ROR1: variants seen among roughly 807,000 people sequenced by gnomAD.
ROR1 encodes inactive tyrosine-protein kinase transmembrane receptor ROR1.
Under a neutral mutation model 78.8 loss-of-function variants are expected in ROR1, and 19 were observed. That is an observed-to-expected ratio of 0.24 (90% confidence interval 0.17 to 0.35). The LOEUF (loss-of-function observed/expected upper bound fraction) is 0.35. Among genes scored for constraint, ROR1 ranks in the 10% least tolerant of loss-of-function variants. The pLI, the probability that ROR1 is intolerant of heterozygous loss-of-function variation, is 1.00. For synonymous variants in ROR1, 386 were observed against 433.6 expected, an observed-to-expected ratio of 0.89 and a Z score of 1.36; for missense variants, 917 against 1,177.8, an observed-to-expected ratio of 0.78 and a Z score of 3.24.
chr1:63,810,628 A>T (rs1644855212), intron 1 of ROR1, among the ~76,000 whole-genome samples: 1 of 152,214 alleles, frequency 6.6e-6, no homozygotes, highest in African/African-American at 2.4e-5. Context: ...TTTGAGCTGG[A>T]TACTGAAGGA....
At chr1:64,113,790 T>TC (rs1648208566) in intron 4 of ROR1, 1 of 140,502 alleles carries the variant, frequency 7.1e-6, no homozygotes, top group Admixed American at 7.1e-5. Context: ...CAGTGTTTCG[T>TC]CCTAAAAAAA....
At chr1:64,014,987 A>G (rs1302727869) in intron 2 of ROR1, among the ~76,000 whole-genome samples, 1 of 151,418 alleles carries the variant, frequency 6.6e-6, no homozygotes, top group African/African-American at 2.4e-5. Flanking sequence ...GAGACTGGGA[A>G]GAAAAAGAGG....
At chr1:63,862,699 C>A (rs1341429524) in intron 1 of ROR1, among the ~76,000 whole-genome samples, 1 of 151,970 alleles carries the variant, frequency 6.6e-6, no homozygotes, top group East Asian at 1.9e-4. Context: ...CTTTTTCTTT[C>A]TTGGTGTGAA....
chr1:64,118,209 A>G (rs1446043702), intron 4 of ROR1, among the ~76,000 whole-genome samples: 1 of 152,216 alleles, frequency 6.6e-6, no homozygotes, highest in African/African-American at 2.4e-5. Flanking sequence ...TCTCAAAATA[A>G]TAATAATAAT....
chr1:64,132,612 T>C (rs1648952910), intron 4 of ROR1, among the ~76,000 whole-genome samples: 1 of 151,652 alleles, frequency 6.6e-6, no homozygotes, highest in Non-Finnish European at 1.5e-5. Context: ...ATACAAAAAT[T>C]AGCCAGGCAT....
intron 7 of ROR1, among the ~76,000 whole-genome samples, chr1:64,152,841 C>G (rs938136935): frequency 1.3e-5 from 2 of 152,012 alleles, no homozygotes; most frequent in African/African-American, 4.8e-5. Context: ...CAAGCATAGC[C>G]CTTTACAATT....
intron 1 of ROR1, among the ~76,000 whole-genome samples, chr1:63,954,346 G>A (rs1279490319): frequency 6.6e-6 from 1 of 152,218 alleles, no homozygotes. Flanking sequence ...ACATTCTGCA[G>A]GCCAGACTTG....
intron 1 of ROR1, among the ~76,000 whole-genome samples, chr1:63,904,666 A>G (rs1645514593): frequency 6.6e-6 from 1 of 152,184 alleles, no homozygotes; most frequent in South Asian, 2.1e-4. Context: ...AGTTAAAATG[A>G]AGTCATTAGG....
intron 2 of ROR1, among the ~76,000 whole-genome samples, chr1:64,010,122 A>G (rs1361534883): frequency 2.0e-5 from 3 of 152,082 alleles, no homozygotes; most frequent in African/African-American, 7.2e-5. Context: ...CTTCTTTGCC[A>G]ATACTCATTC....
chr1:63,790,388 A>C (rs1401845520), intron 1 of ROR1, among the ~76,000 whole-genome samples: 1 of 152,212 alleles, frequency 6.6e-6, no homozygotes, highest in Non-Finnish European at 1.5e-5. Flanking sequence ...TATCTCTTCC[A>C]ACAGTTGAGG....
At chr1:63,935,678 T>C (rs1370965848) in intron 1 of ROR1, among the ~76,000 whole-genome samples, 1 of 152,186 alleles carries the variant, frequency 6.6e-6, no homozygotes, top group Non-Finnish European at 1.5e-5. Context: ...TCAGAAAAAG[T>C]CCTGCTACCC....
At chr1:63,843,847 T>C (rs781232542) in intron 1 of ROR1, among the ~76,000 whole-genome samples, 12 of 152,160 alleles carry the variant, frequency 7.9e-5, no homozygotes, top group Non-Finnish European at 1.6e-4. Context: ...CTGATTTCCC[T>C]AACTCTGGGT....
At chr1:64,022,177 A>C (rs1169763884) in intron 2 of ROR1, among the ~76,000 whole-genome samples, 7 of 152,238 alleles carry the variant, frequency 4.6e-5, no homozygotes, top group African/African-American at 1.7e-4. Context: ...TTCATGTGAA[A>C]TATTCAGAAG....
At chr1:64,159,306 G>A in intron 8 of ROR1, 114 bp downstream of exon 8, 2 of 814,790 alleles carry the variant, frequency 2.5e-6, no homozygotes. Context: ...TTTTATAAGT[G>A]CTAAGGTTCA....
chr1:63,828,268 G>A (rs1411434111), intron 1 of ROR1, among the ~76,000 whole-genome samples: 3 of 152,176 alleles, frequency 2.0e-5, no homozygotes, highest in African/African-American at 7.2e-5. Flanking sequence ...GCAAATTTAG[G>A]TCAGAGCTGG....
intron 1 of ROR1, among the ~76,000 whole-genome samples, chr1:63,916,602 C>A (rs1397924316): frequency 6.6e-6 from 1 of 152,186 alleles, no homozygotes; most frequent in Admixed American, 6.5e-5. Flanking sequence ...TGCCTTTGCC[C>A]AGGCATAGAC....
At chr1:63,787,246 G>A (rs942555812) in intron 1 of ROR1, among the ~76,000 whole-genome samples, 15 of 152,074 alleles carry the variant, frequency 9.9e-5, no homozygotes, top group East Asian at 1.9e-4. Context: ...TTCTTTTGTC[G>A]TCTCACCTTC....
chr1:63,926,491 G>A (rs1195178552), intron 1 of ROR1, among the ~76,000 whole-genome samples: 3 of 151,804 alleles, frequency 2.0e-5, no homozygotes, highest in Non-Finnish European at 4.4e-5. Flanking sequence ...TGGCGATGCG[G>A]GCTCTTTTTT....
chr1:63,779,711 G>A (rs1195254185), intron 1 of ROR1, among the ~76,000 whole-genome samples: 1 of 152,150 alleles, frequency 6.6e-6, no homozygotes, highest in African/African-American at 2.4e-5. Context: ...TTAGGAATGG[G>A]ATAATTGTGG....
Sources: gnomAD v4.1 joint callset for allele counts (sites outside exome capture counted in the v4.1 genomes callset) on GRCh38, gnomAD v4.1.1 for gene constraint, MANE v1.5 for transcripts, NCBI Gene and HGNC (gene_info 2026-07-23, HGNC 2026-07-21) for gene names.